Variants in PALM2AKAP2 observed in about 807,000 individuals in gnomAD.
PALM2AKAP2 encodes PALM2-AKAP2 fusion protein.
Under a neutral mutation model 71.5 loss-of-function variants are expected in PALM2AKAP2, and 37 were observed. The ratio of observed to expected loss-of-function variants is 0.52; its 90% confidence interval spans 0.40 to 0.68. The LOEUF (loss-of-function observed/expected upper bound fraction) is 0.68. Among genes scored for constraint, PALM2AKAP2 ranks in the 30% least tolerant of loss-of-function variants. The pLI is 0.00. For missense variants in PALM2AKAP2, 1,224 were observed against 1,191.8 expected (o/e 1.03, Z -0.40); for synonymous variants, 468 against 478.8 (o/e 0.98, Z 0.29).
chr9:110,012,370 C>T (rs1832899978), intron 6 of PALM2AKAP2, among the ~76,000 whole-genome samples: 1 of 151,558 alleles, frequency 6.6e-6, no homozygotes, highest in Admixed American at 6.6e-5. Context: ...CAATTTTTGC[C>T]CTAATTTCTT....
intron 3 of PALM2AKAP2, among the ~76,000 whole-genome samples, chr9:109,919,294 A>C (rs1219258144): frequency 1.3e-5 from 2 of 152,214 alleles, no homozygotes; most frequent in Non-Finnish European, 2.9e-5. Flanking sequence ...TTCATGCCAC[A>C]GCCTGGGAGA....
intron 1 of PALM2AKAP2, among the ~76,000 whole-genome samples, chr9:110,134,636 C>T (rs932993609): frequency 2.0e-5 from 3 of 152,170 alleles, no homozygotes; most frequent in Admixed American, 2.0e-4. Context: ...TTTCTTAGGT[C>T]TCAAGAACAA....
chr9:109,962,746 G>A (rs751199656), intron 6 of PALM2AKAP2, among the ~76,000 whole-genome samples: 7 of 151,754 alleles, frequency 4.6e-5, no homozygotes, highest in Non-Finnish European at 7.4e-5. Flanking sequence ...GGGTTCAAGC[G>A]ATTCTCCTGC....
intron 1 of PALM2AKAP2, among the ~76,000 whole-genome samples, chr9:110,077,599 G>A (rs1430538948): frequency 6.6e-6 from 1 of 152,126 alleles, no homozygotes; most frequent in Non-Finnish European, 1.5e-5. Flanking sequence ...TCCATAACTC[G>A]TTACCTGGAA....
intron 1 of PALM2AKAP2, among the ~76,000 whole-genome samples, chr9:110,096,255 T>C (rs1329778329): frequency 6.6e-6 from 1 of 152,136 alleles, no homozygotes; most frequent in African/African-American, 2.4e-5. Flanking sequence ...TTTGCTGTTT[T>C]TTGTTTGTTT....
rs535180403 is a variant in PALM2AKAP2, at chr9:110,057,377, T to G, written c.156+8522T>G. ...CCAGCTCCTTCTCTGTTTTTTTTTT[T>G]TTTGTTTTTTTGTTTTTTTTTTTGC... On this transcript the variant is annotated intron_variant, in intron 1 of 3. Coordinates refer to ENST00000374525, the Ensembl canonical transcript of PALM2AKAP2. Among the ~76,000 whole-genome samples the G allele has an allele frequency of 7.0e-3, 926 of 131,848 alleles. 11 individuals carry two copies. The highest frequency in any genetic ancestry group is 0.044 in the South Asian group (178 of 4,044). 86.5% of individuals were successfully genotyped at this position (131,848 alleles called of 152,430 possible).
intron 6 of PALM2AKAP2, among the ~76,000 whole-genome samples, chr9:109,939,714 G>A (rs1351770137): frequency 6.6e-6 from 1 of 152,164 alleles, no homozygotes; most frequent in Non-Finnish European, 1.5e-5. Flanking sequence ...CTATTCTTCT[G>A]ATGGCACATT....
At chr9:109,843,617 G>A (rs555992662) in intron 1 of PALM2AKAP2, among the ~76,000 whole-genome samples, 1 of 152,236 alleles carries the variant, frequency 6.6e-6, no homozygotes, top group East Asian at 1.9e-4. Context: ...AATGTGCAGG[G>A]GCTGGCCCAT....
At chr9:109,766,334 A>G (rs1479528666) in intron 1 of PALM2AKAP2, among the ~76,000 whole-genome samples, 2 of 152,182 alleles carry the variant, frequency 1.3e-5, no homozygotes, top group Admixed American at 6.5e-5. Context: ...AAGGTCCCTG[A>G]CCCTAAATGT....
chr9:109,919,688 TG>T (rs1830779411), intron 3 of PALM2AKAP2, among the ~76,000 whole-genome samples: 1 of 151,888 alleles, frequency 6.6e-6, no homozygotes, highest in South Asian at 2.1e-4. Context: ...TATACATTAT[TG>T]GGATATATAT....
intron 2 of PALM2AKAP2, among the ~76,000 whole-genome samples, chr9:109,872,150 T>A (rs1375584901): frequency 6.6e-6 from 1 of 152,224 alleles, no homozygotes; most frequent in African/African-American, 2.4e-5. Flanking sequence ...CCTATAGCTT[T>A]TTAATATATT....
intron 3 of PALM2AKAP2, among the ~76,000 whole-genome samples, chr9:109,915,967 G>A (rs1830679732): frequency 6.6e-6 from 1 of 151,068 alleles, no homozygotes; most frequent in Non-Finnish European, 1.5e-5. Context: ...TTTTTGAGAT[G>A]GAATCTTGCA....
At chr9:109,665,417 G>C (rs1056137340) in intron 1 of PALM2AKAP2, among the ~76,000 whole-genome samples, 2 of 152,156 alleles carry the variant, frequency 1.3e-5, no homozygotes, top group African/African-American at 4.8e-5. Flanking sequence ...CTTTCTGTTT[G>C]TTAGTTTTCC....
In PALM2AKAP2 at chr9:109,842,577, A is replaced by G. The variant is rs558246254; in HGVS notation, c.46-24914A>G. On this transcript the variant is annotated intron_variant, in intron 1 of 9. Coordinates refer to the PALM2AKAP2 transcript ENST00000302798. ...AAGCTAATTAAAATCTATAATGAAC[A>G]ATATCCACATAAACCAAAAAATGGC... Among the ~76,000 whole-genome samples, 3 of 152,350 alleles carry G rather than the reference A, an allele frequency of 2.0e-5. No individual in the cohort carries two copies. The East Asian group carries it at 5.8e-4, about 29-fold the overall frequency.
At chr9:109,657,726 G>T (rs564490178) in intron 1 of PALM2AKAP2, among the ~76,000 whole-genome samples, 1 of 152,152 alleles carries the variant, frequency 6.6e-6, no homozygotes, top group South Asian at 2.1e-4. Flanking sequence ...GGCAATGATA[G>T]TTGGGTGTTT....
chr9:109,801,730 T>TG (rs1564155293), intron 1 of PALM2AKAP2, among the ~76,000 whole-genome samples: 3 of 142,372 alleles, frequency 2.1e-5, no homozygotes, highest in African/African-American at 8.6e-5. Context: ...GTGTGTGTGT[T>TG]TGTGTGTGTG....
intron 7 of PALM2AKAP2, among the ~76,000 whole-genome samples, chr9:110,017,351 G>T (rs973036426): frequency 6.6e-6 from 1 of 152,248 alleles, no homozygotes; most frequent in African/African-American, 2.4e-5. Context: ...ATAGTAGCCT[G>T]ATTAGTCAAA....
chr9:110,129,508 A>G (rs369127918), intron 1 of PALM2AKAP2, among the ~76,000 whole-genome samples: 6 of 152,122 alleles, frequency 3.9e-5, no homozygotes, highest in African/African-American at 1.2e-4. Flanking sequence ...ATTTCTCTAT[A>G]CCTCTTATTC....
At chr9:110,135,164 A>AAATATATATATAT in intron 1 of PALM2AKAP2, among the ~76,000 whole-genome samples, 3 of 51,720 alleles carry the variant, frequency 5.8e-5, no homozygotes, top group Non-Finnish European at 7.5e-5. Flanking sequence ...AAAAAAAAAA[A>AAATATATATATAT]ATATATAAAT....
Sources: allele counts gnomAD v4.1 joint callset (sites outside exome capture counted in the v4.1 genomes callset), GRCh38; gene constraint gnomAD v4.1.1; transcripts MANE v1.5; gene names NCBI Gene and HGNC (gene_info 2026-07-23, HGNC 2026-07-21).